Variants in PTPRD observed in about 807,000 individuals in gnomAD.
The protein encoded by PTPRD is receptor-type tyrosine-protein phosphatase delta.
Under a neutral mutation model 214.5 loss-of-function variants are expected in PTPRD, and 34 were observed. The observed-to-expected ratio is 0.16, with a 90% CI of 0.12 to 0.21. PTPRD has a LOEUF of 0.21. PTPRD is among the 10% of genes least tolerant of loss of function. PTPRD has a pLI of 1.00. For synonymous variants in PTPRD, 1,128 were observed against 845.7 expected (o/e 1.33, Z -5.79); for missense variants, 2,545 against 2,398.7 (o/e 1.06, Z -1.27).
intron 12 of PTPRD, among the ~76,000 whole-genome samples, chr9:8,653,943 C>A (rs558290944): frequency 1.3e-5 from 2 of 152,266 alleles, no homozygotes; most frequent in South Asian, 4.1e-4. Flanking sequence ...ATAATCAGCA[C>A]CTTCACTCTC....
intron 37 of PTPRD, among the ~76,000 whole-genome samples, chr9:8,382,727 T>C (rs916605125): frequency 6.6e-6 from 1 of 152,196 alleles, no homozygotes; most frequent in Non-Finnish European, 1.5e-5. Context: ...CCTATTTACA[T>C]TAAGTATCCA....
At chr9:9,060,951 G>A (rs982423316) in intron 10 of PTPRD, among the ~76,000 whole-genome samples, 1 of 152,134 alleles carries the variant, frequency 6.6e-6, no homozygotes, top group African/African-American at 2.4e-5. Context: ...GCTACTTGCA[G>A]CACTGTGGAA....
At chr9:10,059,334 G>C (rs971314807) in intron 3 of PTPRD, among the ~76,000 whole-genome samples, 1 of 152,094 alleles carries the variant, frequency 6.6e-6, no homozygotes, top group Admixed American at 6.6e-5. Flanking sequence ...GCAACCTCGG[G>C]TAAATTTAAG....
chr9:8,349,210 G>A (rs1264367463), intron 39 of PTPRD, among the ~76,000 whole-genome samples: 1 of 152,084 alleles, frequency 6.6e-6, no homozygotes, highest in Non-Finnish European at 1.5e-5. Context: ...CAAACAACCT[G>A]TGCTTATGCT....
intron 2 of PTPRD, among the ~76,000 whole-genome samples, chr9:10,536,088 T>G (rs1037602316): frequency 6.6e-6 from 1 of 152,162 alleles, no homozygotes; most frequent in African/African-American, 2.4e-5. Context: ...CGTGCTAGAC[T>G]ACTGTTTAGA....
intron 7 of PTPRD, among the ~76,000 whole-genome samples, chr9:9,688,458 T>G (rs1346334280): frequency 6.6e-6 from 1 of 151,920 alleles, no homozygotes; most frequent in Non-Finnish European, 1.5e-5. Context: ...CCCCTCAATG[T>G]TTTGTTGTTG....
chr9:8,593,644 G>A (rs2094280750), intron 14 of PTPRD, among the ~76,000 whole-genome samples: 1 of 152,090 alleles, frequency 6.6e-6, no homozygotes, highest in Non-Finnish European at 1.5e-5. Context: ...ATTCTTTATT[G>A]GTGTGAAACA....
chr9:9,232,380 A>G (rs1254988667), intron 9 of PTPRD, among the ~76,000 whole-genome samples: 1 of 152,178 alleles, frequency 6.6e-6, no homozygotes. Flanking sequence ...CATCATTATA[A>G]AACATTTCCA....
chr9:10,444,061 C>T (rs1269224475), intron 2 of PTPRD, among the ~76,000 whole-genome samples: 1 of 151,676 alleles, frequency 6.6e-6, no homozygotes, highest in Non-Finnish European at 1.5e-5. Context: ...AGTCAAGGGT[C>T]AATAATTATC....
At chr9:9,745,981 TG>T (rs994906955) in intron 6 of PTPRD, among the ~76,000 whole-genome samples, 3 of 151,958 alleles carry the variant, frequency 2.0e-5, no homozygotes, top group African/African-American at 7.2e-5. Context: ...TTGCTTGGGA[TG>T]GGGAAAAAAA....
intron 11 of PTPRD, among the ~76,000 whole-genome samples, chr9:8,772,331 TG>T (rs2095264870): frequency 6.6e-6 from 1 of 152,108 alleles, no homozygotes; most frequent in Non-Finnish European, 1.5e-5. Context: ...AGCTCCAATC[TG>T]GGTTTTTAAA....
intron 14 of PTPRD, among the ~76,000 whole-genome samples, chr9:8,564,140 G>C (rs1312087269): frequency 8.0e-6 from 1 of 124,240 alleles, no homozygotes; most frequent in Non-Finnish European, 1.7e-5. Flanking sequence ...ATGATCTGGA[G>C]GATAAGCAAC....
At chr9:10,070,056 A>G (rs1230539906) in intron 3 of PTPRD, among the ~76,000 whole-genome samples, 1 of 152,056 alleles carries the variant, frequency 6.6e-6, no homozygotes, top group Non-Finnish European at 1.5e-5. Context: ...GAAGCAGGGG[A>G]ATGTCAAAGA....
At chr9:9,206,984 G>T (rs544479084) in intron 9 of PTPRD, among the ~76,000 whole-genome samples, 1 of 152,126 alleles carries the variant, frequency 6.6e-6, no homozygotes, top group African/African-American at 2.4e-5. Flanking sequence ...CAAAGCTATT[G>T]TAATAAACCA....
intron 10 of PTPRD, among the ~76,000 whole-genome samples, chr9:9,076,644 T>C (rs1179140624): frequency 6.6e-6 from 1 of 152,102 alleles, no homozygotes; most frequent in Non-Finnish European, 1.5e-5. Context: ...TTCTTTTTCA[T>C]AGCTGAATAG....
intron 11 of PTPRD, among the ~76,000 whole-genome samples, chr9:8,809,402 G>A (rs1170281607): frequency 1.3e-5 from 2 of 152,076 alleles, no homozygotes; most frequent in Admixed American, 6.6e-5. Flanking sequence ...GAGGTTGACT[G>A]ACTCCTCCAA....
chr9:9,664,494 T>C (rs1054243389), intron 7 of PTPRD, among the ~76,000 whole-genome samples: 1 of 151,658 alleles, frequency 6.6e-6, no homozygotes, highest in Admixed American at 6.6e-5. Flanking sequence ...TCAGCTCTTT[T>C]TCCATTTTAA....
At chr9:8,978,566 T>C (rs1476376857) in intron 11 of PTPRD, among the ~76,000 whole-genome samples, 2 of 152,038 alleles carry the variant, frequency 1.3e-5, no homozygotes, top group South Asian at 2.1e-4. Context: ...GCTGGTGAAA[T>C]GACCAAGTGC....
intron 3 of PTPRD, among the ~76,000 whole-genome samples, chr9:10,338,035 TAA>T (rs1481197069): frequency 6.6e-6 from 1 of 151,678 alleles, no homozygotes; most frequent in African/African-American, 2.4e-5. Context: ...TATCAGGTAT[TAA>T]AGAGTCATGA....
Sources: gnomAD v4.1 joint callset for allele counts (sites outside exome capture counted in the v4.1 genomes callset) on GRCh38, gnomAD v4.1.1 for gene constraint, MANE v1.5 for transcripts, NCBI Gene and HGNC (gene_info 2026-07-23, HGNC 2026-07-21) for gene names.